The following XAF1 variants were observed in gnomAD, a reference collection of about 807,000 sequenced individuals.
XAF1 encodes the protein XIAP associated factor 1.
XAF1 carries 32 observed loss-of-function variants against 32.3 expected under a neutral mutation model. The ratio of observed to expected loss-of-function variants is 0.99; its 90% CI spans 0.75 to 1.33. XAF1 has a LOEUF of 1.33. Ranked by LOEUF, XAF1 falls within the 40% of genes most tolerant of loss-of-function variation. The probability of loss-of-function intolerance (pLI) is 0.00; values close to 1 mark genes in which losing one functional copy is unlikely to be tolerated. For missense variants in XAF1, 379 were observed against 366.0 expected, an observed-to-expected ratio of 1.04 and a Z score of -0.29; for synonymous variants, 120 against 125.9, an observed-to-expected ratio of 0.95 and a Z score of 0.31.
intron 6 of XAF1, 31 bp from the exon 7 acceptor site, chr17:6,773,082 A>G: frequency 6.3e-7 from 1 of 1,591,690 alleles, no homozygotes; most frequent in Non-Finnish European, 8.6e-7. Flanking sequence ...TACTTTAACC[A>G]TATCAAACTT....
chr17:6,769,311 G>C (rs987362046), intron 5 of XAF1, among the ~76,000 whole-genome samples: 32 of 151,834 alleles, frequency 2.1e-4, no homozygotes, highest in Admixed American at 2.0e-3. Flanking sequence ...AAAAAAGATA[G>C]GTATGTGAAG....
chr17:6,757,551 CA>C (rs2151524254), intron 1 of XAF1: 1 of 119,198 alleles, frequency 8.4e-6, no homozygotes, highest in African/African-American at 3.2e-5. Flanking sequence ...GTGGACCAAA[CA>C]GGGGCACCAG....
intron 2 of XAF1, 163 bp from the exon 3 acceptor site, chr17:6,759,499 G>A: frequency 1.4e-6 from 2 of 1,454,256 alleles, no homozygotes; most frequent in East Asian, 2.5e-5. Context: ...ACACTGGGCG[G>A]GGTGCTAGAG....
At chr17:6,759,356 A>G in intron 2 of XAF1, 1 of 1,341,992 alleles carries the variant, frequency 7.5e-7, no homozygotes, top group Non-Finnish European at 9.5e-7. Context: ...AGGTCCTGGA[A>G]GGCAGTCAGA....
intron 6 of XAF1, chr17:6,771,858 T>C (rs991820726): frequency 5.9e-5 from 9 of 152,224 alleles, no homozygotes; most frequent in African/African-American, 2.2e-4. Flanking sequence ...TACCCTGAGA[T>C]ACCACTTTGG....
At chr17:6,762,110 T>C (rs1403010829) in intron 4 of XAF1, 45 bp from the exon 5 acceptor site, 1 of 1,611,192 alleles carries the variant, frequency 6.2e-7, no homozygotes, top group Non-Finnish European at 8.5e-7. Context: ...GGGCTAGCCG[T>C]TGACAAGGAC....
intron 5 of XAF1, among the ~76,000 whole-genome samples, chr17:6,765,758 T>C (rs1288969421): frequency 6.6e-6 from 1 of 152,214 alleles, no homozygotes; most frequent in Non-Finnish European, 1.5e-5. Context: ...AGCAGTCTCC[T>C]AAACGGTCTT....
At chr17:6,761,982 G>T (rs1393712916) in intron 4 of XAF1, 173 bp from the exon 5 acceptor site, 1 of 1,532,712 alleles carries the variant, frequency 6.5e-7, no homozygotes, top group East Asian at 2.5e-5. Flanking sequence ...GGGTGATTCG[G>T]CCAAGAGTTG....
intron 3 of XAF1, 101 bp from the exon 4 acceptor site, chr17:6,760,305 G>C: frequency 8.6e-7 from 1 of 1,167,144 alleles, no homozygotes; most frequent in East Asian, 2.7e-5. Context: ...CCAAGATCAA[G>C]CCACTGCACT....
At chr17:6,766,975 AT>A (rs577680784) in intron 5 of XAF1, among the ~76,000 whole-genome samples, 159 of 152,344 alleles carry the variant, frequency 1.0e-3, no homozygotes, top group African/African-American at 3.7e-3. Context: ...GATAGAACAT[AT>A]CCCCAAATAG....
At chr17:6,757,658 T>TAATTATTTA (rs1974794441) in intron 1 of XAF1, among the ~76,000 whole-genome samples, 1 of 152,212 alleles carries the variant, frequency 6.6e-6, no homozygotes, top group Admixed American at 6.5e-5. Context: ...ATGAAATGTT[T>TAATTATTTA]CATTTTAAAA....
At chr17:6,771,745 T>C (rs566764289) in intron 6 of XAF1, 12 of 151,966 alleles carry the variant, frequency 7.9e-5, no homozygotes, top group Non-Finnish European at 1.5e-4. Flanking sequence ...AAAAAATTTA[T>C]TTTTTTTCAA....
In XAF1 at chr17:6,760,487, T is replaced by C. The variant is rs780365016; in HGVS notation, c.307T>C (p.Ser103Pro). ...GCTCAGCAAGCTGGAGCTCCACGAG[T>C]CCTACTGTGGCAGCCGGACAGAGCT... Reference protein sequence around the residue: ...MQLSKLELHESYCGSRTELCQ... With the variant: ...MQLSKLELHEPYCGSRTELCQ... Residue 103 changes from serine (S) to proline (P), a missense_variant, in exon 4 of 7, where the codon TCC (serine) becomes CCC (proline). Physicochemically the swap from Ser to Pro is moderately conservative, Grantham distance 74 (BLOSUM62 -1). Coordinates refer to ENST00000361842, the MANE Select transcript of XAF1 (RefSeq NM_017523.5). 4 of 1,613,036 alleles carry C rather than the reference T, an allele frequency of 2.5e-6. No homozygotes were observed. The highest frequency in any genetic ancestry group is 3.4e-6 in the Non-Finnish European group (4 of 1,179,790).
At chr17:6,755,983 C>T (rs1171578825), upstream of XAF1, 10 of 1,606,594 alleles carry the variant, frequency 6.2e-6, no homozygotes, top group African/African-American at 4.0e-5. Flanking sequence ...TCTCCTCCCT[C>T]CCTGAAGCTG....
intron 5 of XAF1, among the ~76,000 whole-genome samples, chr17:6,762,961 C>T (rs1456540764): frequency 1.3e-5 from 2 of 152,240 alleles, no homozygotes; most frequent in African/African-American, 4.8e-5. Flanking sequence ...CAGCTTTTCG[C>T]TCTTTTCTTT....
chr17:6,766,827 T>A (rs751843076), intron 5 of XAF1, among the ~76,000 whole-genome samples: 1 of 152,212 alleles, frequency 6.6e-6, no homozygotes, highest in Non-Finnish European at 1.5e-5. Context: ...GTCTGTCCAT[T>A]TCATTTTGGG....
At chr17:6,769,059 C>CT (rs1424327601) in intron 5 of XAF1, among the ~76,000 whole-genome samples, 1 of 151,826 alleles carries the variant, frequency 6.6e-6, no homozygotes, top group Admixed American at 6.6e-5. Context: ...CATGACTCTC[C>CT]TTTTTTTTCA....
At chr17:6,767,736 A>ACTGCTACTGCTGCTGCTGCTG (rs71383424) in intron 5 of XAF1, among the ~76,000 whole-genome samples, 1 of 151,354 alleles carries the variant, frequency 6.6e-6, no homozygotes, top group African/African-American at 2.4e-5. Context: ...GTTCATTACT[A>ACTGCTACTGCTGCTGCTGCTG]CTGCTGCTGC....
intron 1 of XAF1, chr17:6,757,424 TAG>T: frequency 6.6e-6 from 1 of 152,342 alleles, no homozygotes; most frequent in East Asian, 1.9e-4. Context: ...CTCTGTGAGT[TAG>T]CGCAGGTGAA....
Sources: gnomAD v4.1 joint callset for allele counts (sites outside exome capture counted in the v4.1 genomes callset) on GRCh38, gnomAD v4.1.1 for gene constraint, MANE v1.5 for transcripts, NCBI Gene and HGNC (gene_info 2026-07-23, HGNC 2026-07-21) for gene names.